Variants in IMMP1L observed in about 807,000 individuals in gnomAD.
The protein encoded by IMMP1L is inner mitochondrial membrane peptidase subunit 1.
A neutral mutation model predicts 21.8 loss-of-function variants in IMMP1L; 24 were observed. The observed-to-expected ratio is 1.10, with a 90% CI of 0.80 to 1.55. The LOEUF (loss-of-function observed/expected upper bound fraction) is 1.55. Ranked by LOEUF, IMMP1L falls within the 40% of genes most tolerant of loss-of-function variation. The probability of loss-of-function intolerance (pLI) is 0.00; values close to 1 mark genes in which losing one functional copy is unlikely to be tolerated. For synonymous variants in IMMP1L, 46 were observed against 62.8 expected, an observed-to-expected ratio of 0.73 and a Z score of 1.26; for missense variants, 195 against 200.7, an observed-to-expected ratio of 0.97 and a Z score of 0.17.
intron 4 of IMMP1L, among the ~76,000 whole-genome samples, chr11:31,456,042 T>C (rs1953925522): frequency 6.6e-6 from 1 of 152,256 alleles, no homozygotes; most frequent in Non-Finnish European, 1.5e-5. Flanking sequence ...ATTTTGCCTG[T>C]AACAATTATT....
At chr11:31,466,996 T>A (rs1412056353) in intron 1 of IMMP1L, among the ~76,000 whole-genome samples, 3 of 152,114 alleles carry the variant, frequency 2.0e-5, no homozygotes, top group African/African-American at 7.2e-5. Flanking sequence ...ACTGTATACA[T>A]GTAACACAAT....
chr11:31,435,483 C>G (rs1187902013), intron 4 of IMMP1L, among the ~76,000 whole-genome samples: 1 of 152,144 alleles, frequency 6.6e-6, no homozygotes, highest in Non-Finnish European at 1.5e-5. Flanking sequence ...TAGTTTGGTG[C>G]AAAAATAACT....
chr11:31,503,150 C>T (rs2133833156), intron 1 of IMMP1L, among the ~76,000 whole-genome samples: 1 of 152,250 alleles, frequency 6.6e-6, no homozygotes, highest in African/African-American at 2.4e-5. Flanking sequence ...TATTTCAGTA[C>T]TTTCAAAAGT....
rs577836459 is a variant in IMMP1L at position 31,477,165 on chromosome 11, A to T, written c.-29-13860T>A. The T allele has an allele frequency of 5.3e-5, 8 of 152,300 alleles. No homozygotes were observed. The East Asian group carries it at 1.5e-3, about 29-fold the overall frequency. 9.4% of individuals were successfully genotyped at this position (152,300 alleles called of 1,614,324 possible). On this transcript the variant is annotated intron_variant, in intron 1 of 5. Transcript: ENST00000532287. The stretch of plus-strand genomic sequence containing the variant: ...ACATTTCATCAGTAGCAACTGAAGC[A>T]GTCAAAAACAGGTAAAACATATGAC...
At chr11:31,482,943 G>A (rs761812252) in intron 1 of IMMP1L, among the ~76,000 whole-genome samples, 4 of 151,912 alleles carry the variant, frequency 2.6e-5, no homozygotes, top group Admixed American at 6.6e-5. Flanking sequence ...TCCACTAACA[G>A]TAGAATGGAT....
intron 1 of IMMP1L, among the ~76,000 whole-genome samples, chr11:31,489,978 C>A (rs1022582944): frequency 6.6e-6 from 1 of 152,280 alleles, no homozygotes; most frequent in East Asian, 1.9e-4. Flanking sequence ...TAAATTCGAT[C>A]TTGAAACACG....
rs1332095778 is a variant in IMMP1L, at chr11:31,436,295, T to C, written c.322-2725A>G. Reference sequence around the variant, plus strand: ...TTATTTACAGTACCTAAACCAAAAGTGGAACTCAGATATTTGCTGGTGGTT... The same window carrying C: ...TTATTTACAGTACCTAAACCAAAAGCGGAACTCAGATATTTGCTGGTGGTT... On this transcript the variant is annotated intron_variant, in intron 4 of 5. Transcript: ENST00000532287. Among the ~76,000 whole-genome samples, 3 of 152,210 alleles carry C rather than the reference T, an allele frequency of 2.0e-5. No homozygotes were observed. The South Asian group carries it at 6.2e-4, about 32-fold the overall frequency.
chr11:31,470,895 C>G (rs1002024001), intron 1 of IMMP1L, among the ~76,000 whole-genome samples: 1 of 152,128 alleles, frequency 6.6e-6, no homozygotes, highest in Non-Finnish European at 1.5e-5. Flanking sequence ...ATCATATGTT[C>G]TCACTCATAC....
chr11:31,446,724 C>G (rs1953536791), intron 4 of IMMP1L, among the ~76,000 whole-genome samples: 1 of 152,170 alleles, frequency 6.6e-6, no homozygotes, highest in South Asian at 2.1e-4. Flanking sequence ...CCCTTTAAAA[C>G]TTCAACTCAG....
At position 31,444,183 on chromosome 11, in the gene IMMP1L, G is replaced by A. The variant is rs372085038; in HGVS notation, c.322-10613C>T. Among the ~76,000 whole-genome samples the A allele has an allele frequency of 7.2e-5, 11 of 152,206 alleles. No homozygotes were observed. In the East Asian group the frequency reaches 1.4e-3, roughly 19 times the overall value. On this transcript the variant is annotated intron_variant, in intron 4 of 5. Coordinates refer to ENST00000532287, the MANE Select transcript of IMMP1L (RefSeq NM_001304274.2). ...ATTTAAACCTCATCAATACAACTGAGACTAATAAATACCTTACAGAAATAC... is the reference window on the plus strand; with the variant it reads ...ATTTAAACCTCATCAATACAACTGAAACTAATAAATACCTTACAGAAATAC...
At chr11:31,470,353 C>T (rs953435887) in intron 1 of IMMP1L, among the ~76,000 whole-genome samples, 6 of 150,998 alleles carry the variant, frequency 4.0e-5, no homozygotes, top group East Asian at 2.0e-4. Context: ...GCGGAGGTTG[C>T]GGTGAGCCGA....
chr11:31,472,326 T>C (rs755044985), intron 1 of IMMP1L, among the ~76,000 whole-genome samples: 2 of 152,190 alleles, frequency 1.3e-5, no homozygotes, highest in African/African-American at 2.4e-5. Flanking sequence ...TATGGCATCA[T>C]CTTGAAACTG....
chr11:31,454,678 A>G (rs1342740454), intron 4 of IMMP1L, among the ~76,000 whole-genome samples: 1 of 152,206 alleles, frequency 6.6e-6, no homozygotes, highest in East Asian at 1.9e-4. Flanking sequence ...CTTGAATAGA[A>G]CATTTAAAAA....
intron 4 of IMMP1L, chr11:31,452,731 A>T (rs1953796938): frequency 9.8e-7 from 1 of 1,019,190 alleles, no homozygotes; most frequent in African/African-American, 1.7e-5. Flanking sequence ...CAAAATAAGG[A>T]AAGCAAACAG....
At chr11:31,455,976 T>C (rs1311761798) in intron 4 of IMMP1L, among the ~76,000 whole-genome samples, 3 of 152,212 alleles carry the variant, frequency 2.0e-5, no homozygotes, top group African/African-American at 7.2e-5. Flanking sequence ...GTTCAGATTA[T>C]GTAAAATTCT....
intron 1 of IMMP1L, among the ~76,000 whole-genome samples, chr11:31,464,001 A>G (rs1407478390): frequency 4.6e-5 from 7 of 152,132 alleles, no homozygotes; most frequent in Non-Finnish European, 8.8e-5. Flanking sequence ...TTCATCTAAA[A>G]TATTTCTAAT....
At chr11:31,460,515 A>G in intron 3 of IMMP1L, 111 bp downstream of exon 3, 5 of 621,864 alleles carry the variant, frequency 8.0e-6, no homozygotes, top group Non-Finnish European at 1.4e-5. Flanking sequence ...GGTTATTAAT[A>G]TGTTTATTTA....
intron 4 of IMMP1L, among the ~76,000 whole-genome samples, chr11:31,434,238 A>C (rs1170579189): frequency 6.6e-6 from 1 of 152,160 alleles, no homozygotes; most frequent in African/African-American, 2.4e-5. Flanking sequence ...AAATGAAAAG[A>C]CTATCTCCTA....
chr11:31,471,882 C>T (rs1250551189), intron 1 of IMMP1L, among the ~76,000 whole-genome samples: 3 of 152,200 alleles, frequency 2.0e-5, no homozygotes, highest in Non-Finnish European at 4.4e-5. Flanking sequence ...ATGGGTACCA[C>T]TGGGCTAAAA....
Sources: gnomAD v4.1 joint callset for allele counts (sites outside exome capture counted in the v4.1 genomes callset) on GRCh38, gnomAD v4.1.1 for gene constraint, MANE v1.5 for transcripts, NCBI Gene and HGNC (gene_info 2026-07-23, HGNC 2026-07-21) for gene names.